The following KIRREL3 variants were observed in gnomAD, a reference collection of about 807,000 sequenced individuals.
KIRREL3 encodes the protein kirre like nephrin family adhesion molecule 3, also known as kin of IRRE-like protein 3.
Under a neutral mutation model 89.7 loss-of-function variants are expected in KIRREL3, and 36 were observed. The observed-to-expected ratio is 0.40, with a 90% CI of 0.31 to 0.53. The LOEUF is 0.53. Among genes scored for constraint, KIRREL3 ranks in the 20% least tolerant of loss-of-function variants. The pLI, the probability that KIRREL3 is intolerant of heterozygous loss-of-function variation, is 0.49. For missense variants in KIRREL3, 864 were observed against 1,056.6 expected, an observed-to-expected ratio of 0.82 and a Z score of 2.53; for synonymous variants, 445 against 441.4, an observed-to-expected ratio of 1.01 and a Z score of -0.10.
chr11:126,549,787 T>C (rs1238411692), intron 2 of KIRREL3: 1 of 152,142 alleles, frequency 6.6e-6, no homozygotes, highest in Non-Finnish European at 1.5e-5. Context: ...AAAGCTAGAA[T>C]GCGAAAACTG....
At position 126,814,865 on chromosome 11, in the gene KIRREL3, A is replaced by G. The variant is rs1951505752; in HGVS notation, c.55+185590T>C. On this transcript the variant is annotated intron_variant, in intron 1 of 16. Transcript: ENST00000525144. This position sits in a 1 kb window ranked among gnomAD's most constrained non-coding sequence, Gnocchi z 4.4. ...GGTGGTGGGTTCATCGGTGCAGCGAACCACCATGGCACACGTATCTATGTA... is the reference window on the plus strand; with the variant it reads ...GGTGGTGGGTTCATCGGTGCAGCGAGCCACCATGGCACACGTATCTATGTA... Among the ~76,000 whole-genome samples, 1 of 152,172 alleles carries G rather than the reference A, an allele frequency of 6.6e-6. No homozygotes were observed. The highest frequency in any genetic ancestry group is 2.4e-5 in the African/African-American group (1 of 41,420).
chr11:126,831,423 A>T (rs11500902), intron 1 of KIRREL3, among the ~76,000 whole-genome samples: 2 of 73,868 alleles, frequency 2.7e-5, no homozygotes, highest in African/African-American at 6.4e-5. Context: ...GTCTCTCTCT[A>T]TCTCTCTCTC....
In KIRREL3 at chr11:126,890,426, C is replaced by A. The variant is rs1015235241; in HGVS notation, c.55+110029G>T. 6.6e-6 allele frequency among the ~76,000 whole-genome samples: 1 copy of A among 152,344 alleles called. No individual in the cohort carries two copies. The highest frequency in any genetic ancestry group is 1.9e-4 in the East Asian group (1 of 5,190). ...TAATGTGACCTATTATCCAGCAACT[C>A]CCATCTATTTCTGAAAACTCCACGT... On this transcript the variant is annotated intron_variant, in intron 1 of 16. Transcript: ENST00000525144. The surrounding 1 kb of genome is among the most constrained non-coding windows in gnomAD (Gnocchi z 5.1).
Position 126,587,057 on chromosome 11 carries a change from T to C in KIRREL3, c.56-24145A>G, listed in dbSNP as rs1941897884. Among the ~76,000 whole-genome samples the C allele has an allele frequency of 6.6e-6, 1 of 151,798 alleles. No individual in the cohort carries two copies. The highest frequency in any genetic ancestry group is 2.1e-4 in the South Asian group (1 of 4,814). ...CCTGCCTCAGGGAGCTGGGAGTCAG[T>C]GGGAGAGATGAATAAACAGGCAACG... On this transcript the variant is annotated intron_variant, in intron 1 of 16. Transcript: ENST00000525144. The surrounding 1 kb of genome is among the most constrained non-coding windows in gnomAD (Gnocchi z 5.2).
intron 1 of KIRREL3, among the ~76,000 whole-genome samples, chr11:126,816,033 A>G (rs1359624823): frequency 2.0e-5 from 3 of 152,074 alleles, no homozygotes; most frequent in Admixed American, 2.0e-4. Context: ...TGAATAAATA[A>G]CCTCTTTCCT....
chr11:126,500,612 C>T (rs1017460766), intron 4 of KIRREL3, among the ~76,000 whole-genome samples: 2 of 151,940 alleles, frequency 1.3e-5, no homozygotes, highest in Non-Finnish European at 2.9e-5. Context: ...TGGTGGCGGG[C>T]ACCTGTAATC....
intron 1 of KIRREL3, among the ~76,000 whole-genome samples, chr11:126,885,469 G>A (rs1051866236): frequency 1.3e-5 from 2 of 152,214 alleles, no homozygotes; most frequent in African/African-American, 4.8e-5. Context: ...GTTTAGTACA[G>A]ATAATCCTGG....
At chr11:126,968,103 A>G (rs1476993081) in intron 1 of KIRREL3, among the ~76,000 whole-genome samples, 2 of 152,342 alleles carry the variant, frequency 1.3e-5, no homozygotes, top group African/African-American at 2.4e-5. Context: ...AGCTAAATGT[A>G]GAGTTGTTGG....
At chr11:126,975,929 T>A in intron 1 of KIRREL3, among the ~76,000 whole-genome samples, 1 of 56,990 alleles carries the variant, frequency 1.8e-5, no homozygotes, top group East Asian at 5.4e-4. Context: ...CCTCCCTCCC[T>A]CCCTCCCTCC....
At position 126,872,831 on chromosome 11, in the gene KIRREL3, G is replaced by A. The variant is rs1299250962; in HGVS notation, c.55+127624C>T. ...TTGAATAATACCCCATGACAACTGG[G>A]GTTTGAAAGGTAGCCCAGCTCTGGG... On this transcript the variant is annotated intron_variant, in intron 1 of 16. Coordinates refer to ENST00000525144, the MANE Select transcript of KIRREL3 (RefSeq NM_032531.4). This position sits in a 1 kb window ranked among gnomAD's most constrained non-coding sequence, Gnocchi z 4.2. Among the ~76,000 whole-genome samples, 2 of 152,172 alleles carry A rather than the reference G, an allele frequency of 1.3e-5. No homozygotes were observed. The highest frequency in any genetic ancestry group is 6.6e-5 in the Admixed American group (1 of 15,266).
At position 126,668,876 on chromosome 11, in the gene KIRREL3, A is replaced by G. The variant is rs1008567501; in HGVS notation, c.56-105964T>C. 6.6e-6 allele frequency among the ~76,000 whole-genome samples: 1 copy of G among 151,570 alleles called. No individual in the cohort carries two copies. Among genetic ancestry groups the G allele is most frequent in the African/African-American group, 2.4e-5 (1 of 41,186 alleles). ...AGTGTGCTGCTAAGAATCTATTCCT[A>G]TAGGCGTTTGGTCATTGCAGGGTTA... On this transcript the variant is annotated intron_variant, in intron 1 of 16. Transcript: ENST00000525144. The surrounding 1 kb of genome is among the most constrained non-coding windows in gnomAD (Gnocchi z 4.4).
chr11:126,458,827 C>T (rs747186929), intron 6 of KIRREL3, among the ~76,000 whole-genome samples: 2 of 152,218 alleles, frequency 1.3e-5, no homozygotes, highest in East Asian at 3.9e-4. Context: ...GATGGGGTTA[C>T]AAGGAATAGC....
At chr11:126,448,871 G>A (rs867086869) in intron 8 of KIRREL3, 138 bp downstream of exon 8, 28 of 845,704 alleles carry the variant, frequency 3.3e-5, no homozygotes, top group South Asian at 9.5e-5. Flanking sequence ...ACCAGCTTTC[G>A]TCGAGTGCAA....
chr11:126,803,321 G>C (rs934132040), intron 1 of KIRREL3, among the ~76,000 whole-genome samples: 6 of 152,156 alleles, frequency 3.9e-5, no homozygotes, highest in African/African-American at 1.4e-4. Context: ...CACAGAATTG[G>C]AGAAGTGGCA....
intron 1 of KIRREL3, among the ~76,000 whole-genome samples, chr11:126,925,423 T>C (rs1399650094): frequency 2.6e-5 from 4 of 152,178 alleles, no homozygotes; most frequent in African/African-American, 4.8e-5. Flanking sequence ...TGTCCTATGA[T>C]GACATAGGCC....
intron 2 of KIRREL3, among the ~76,000 whole-genome samples, chr11:126,547,502 C>A (rs1938902487): frequency 6.6e-6 from 1 of 152,140 alleles, no homozygotes. Context: ...AGGATTAGAG[C>A]GTGGCTGGGA....
In KIRREL3 at chr11:126,858,870, A is replaced by C. The variant is rs547540716; in HGVS notation, c.55+141585T>G. Among the ~76,000 whole-genome samples the C allele has an allele frequency of 1.3e-4, 20 of 152,344 alleles. No homozygotes were observed. In the South Asian group the frequency reaches 4.1e-3, roughly 32 times the overall value. The stretch of plus-strand genomic sequence containing the variant: ...TTCACCTGGATGTCAGGTTGCTAGA[A>C]GGGACAGTGGATTTTCCTAGGAAAA... On this transcript the variant is annotated intron_variant, in intron 1 of 16. Coordinates refer to ENST00000525144, the MANE Select transcript of KIRREL3 (RefSeq NM_032531.4).
Position 126,531,858 on chromosome 11 carries a change from T to C in KIRREL3, c.134-5171A>G, listed in dbSNP as rs1783991. ...GCTGTGGGTGAGCACCGGTTACACG[T>C]CTGTCACATGTGCCTTTGTACTTAG... On this transcript the variant is annotated intron_variant, in intron 2 of 16. Coordinates refer to ENST00000525144, the MANE Select transcript of KIRREL3 (RefSeq NM_032531.4). This position sits in a 1 kb window ranked among gnomAD's most constrained non-coding sequence, Gnocchi z 4.7. Among the ~76,000 whole-genome samples the C allele has an allele frequency of 0.6, 90,870 of 152,020 alleles. 27,710 individuals carry two copies. The highest frequency in any genetic ancestry group is 0.95 in the East Asian group (4,881 of 5,164).
Position 126,720,409 on chromosome 11 carries a change from G to A in KIRREL3, c.56-157497C>T, listed in dbSNP as rs146531952. 4.4e-3 allele frequency among the ~76,000 whole-genome samples: 669 copies of A among 152,252 alleles called. 4 individuals are homozygous for A. Among genetic ancestry groups the A allele is most frequent in the Non-Finnish European group, 7.4e-3 (501 of 68,016 alleles). ...CTGCCTGGCTCCCTAGTGATATGAA[G>A]TTCTAAATTCCAATGAAATCTCAAA... On this transcript the variant is annotated intron_variant, in intron 1 of 16. Coordinates refer to ENST00000525144, the MANE Select transcript of KIRREL3 (RefSeq NM_032531.4).
Sources: gnomAD v4.1 joint callset for allele counts (sites outside exome capture counted in the v4.1 genomes callset) on GRCh38, gnomAD v4.1.1 for gene constraint, Gnocchi (gnomAD v3.1) non-coding constraint, MANE v1.5 for transcripts, NCBI Gene and HGNC (gene_info 2026-07-23, HGNC 2026-07-21) for gene names.